The following TRIO variants were observed in gnomAD, a reference collection of about 807,000 sequenced individuals.
TRIO encodes the protein trio Rho guanine nucleotide exchange factor, also known as triple functional domain protein.
TRIO carries 58 observed loss-of-function variants against 351.9 expected under a neutral mutation model. The observed-to-expected ratio is 0.16, with a 90% confidence interval of 0.13 to 0.21. TRIO has a LOEUF of 0.21. Ranked by LOEUF, TRIO falls within the 10% of genes least tolerant of loss-of-function variation. The pLI is 1.00. For missense variants in TRIO, 3,201 were observed against 4,027.8 expected, an observed-to-expected ratio of 0.79 and a Z score of 5.56; for synonymous variants, 1,758 against 1,595.7, an observed-to-expected ratio of 1.10 and a Z score of -2.42.
At chr5:14,304,361 T>TTTAACTTGAGGGA (rs1173356761) in intron 7 of TRIO, 100 bp from the exon 8 acceptor site, 1 of 1,234,612 alleles carries the variant, frequency 8.1e-7, no homozygotes, top group African/African-American at 1.5e-5. Context: ...ATTCTTAGGA[T>TTTAACTTGAGGGA]CTCCCTCAAG....
intron 34 of TRIO, among the ~76,000 whole-genome samples, chr5:14,431,112 G>A (rs1026160138): frequency 1.1e-4 from 16 of 152,214 alleles, no homozygotes; most frequent in Non-Finnish European, 1.8e-4. Flanking sequence ...AAGGCATGGG[G>A]GTAGGAGGCT....
chr5:14,221,839 A>G (rs1581383475), intron 1 of TRIO, among the ~76,000 whole-genome samples: 1 of 152,366 alleles, frequency 6.6e-6, no homozygotes, highest in East Asian at 1.9e-4. Context: ...ATGTGCCACA[A>G]ACTTAGTTGA....
intron 1 of TRIO, among the ~76,000 whole-genome samples, chr5:14,166,554 C>T (rs1018086877): frequency 1.2e-4 from 19 of 152,050 alleles, no homozygotes; most frequent in Admixed American, 3.9e-4. Context: ...TTTTCTTTTC[C>T]GAGCTGCAGT....
chr5:14,371,209 A>C (rs1561404619), intron 18 of TRIO, among the ~76,000 whole-genome samples: 1 of 152,242 alleles, frequency 6.6e-6, no homozygotes, highest in Non-Finnish European at 1.5e-5. Context: ...GATTAGGTGC[A>C]ATAAACTCAT....
chr5:14,407,232 A>G (rs1259767052), intron 33 of TRIO, among the ~76,000 whole-genome samples: 1 of 152,126 alleles, frequency 6.6e-6, no homozygotes, highest in African/African-American at 2.4e-5. Context: ...GGGCGTCTCA[A>G]TGAGTGGGCT....
chr5:14,444,997 C>T (rs1480910260), intron 34 of TRIO, among the ~76,000 whole-genome samples: 2 of 152,192 alleles, frequency 1.3e-5, no homozygotes, highest in Non-Finnish European at 2.9e-5. Context: ...AGGCACCCTC[C>T]TCGTTTAACT....
At chr5:14,344,570 CT>C (rs943642272) in intron 11 of TRIO, among the ~76,000 whole-genome samples, 1 of 152,170 alleles carries the variant, frequency 6.6e-6, no homozygotes. Context: ...CCTCAGAATG[CT>C]TTTCTTAGGG....
chr5:14,335,838 G>T (rs1050290566), intron 10 of TRIO, among the ~76,000 whole-genome samples: 1 of 152,128 alleles, frequency 6.6e-6, no homozygotes, highest in Non-Finnish European at 1.5e-5. Context: ...GGTAGCGCAT[G>T]TCTGTGGTTC....
intron 37 of TRIO, among the ~76,000 whole-genome samples, chr5:14,468,851 C>T (rs532771585): frequency 1.1e-4 from 17 of 152,302 alleles, no homozygotes; most frequent in African/African-American, 4.1e-4. Flanking sequence ...GTTTAAGGAA[C>T]TGAACCTACC....
At chr5:14,479,072 G>C (rs977400752) in intron 41 of TRIO, among the ~76,000 whole-genome samples, 189 bp from the exon 42 acceptor site, 1 of 152,198 alleles carries the variant, frequency 6.6e-6, no homozygotes, top group Non-Finnish European at 1.5e-5. Flanking sequence ...GGGAAGGACT[G>C]GTTTTGGAGC....
intron 1 of TRIO, among the ~76,000 whole-genome samples, chr5:14,214,284 C>T (rs1189581829): frequency 6.6e-6 from 1 of 152,192 alleles, no homozygotes; most frequent in African/African-American, 2.4e-5. Flanking sequence ...AGAGACAGAG[C>T]CCTTCAGGCC....
chr5:14,292,414 GTCTT>G, intron 5 of TRIO, among the ~76,000 whole-genome samples: 1 of 75,164 alleles, frequency 1.3e-5, no homozygotes, highest in South Asian at 3.7e-4. Context: ...CATTGCAAAT[GTCTT>G]AATTGACATC....
chr5:14,285,310 C>T (rs1053993926), intron 3 of TRIO, among the ~76,000 whole-genome samples: 1 of 152,056 alleles, frequency 6.6e-6, no homozygotes, highest in African/African-American at 2.4e-5. Flanking sequence ...GATCTGTTTT[C>T]TCCTCCTGGC....
chr5:14,290,881 G>A lies in TRIO; in HGVS notation c.706G>A (p.Glu236Lys). 5 of 1,614,160 alleles carry A rather than the reference G, an allele frequency of 3.1e-6. No homozygotes were observed. The highest frequency in any genetic ancestry group is 4.2e-6 in the Non-Finnish European group (5 of 1,180,032). The change falls in exon 5 of 57, where the codon GAA becomes AAA. Residue 236 changes from glutamate to lysine, a missense_variant. Glu to Lys is a moderately conservative substitution (Grantham distance 56). Around this residue, in one of 19 missense-constraint regions of TRIO, gnomAD observed 349 missense variants for 449.3 expected, o/e 0.78. Transcript: ENST00000344204. ...CACCCACATGCTGTCTCGGCTGGAGGAACTTCAGGACATCCTAGCTAAGAA... is the reference window on the plus strand; with the variant it reads ...CACCCACATGCTGTCTCGGCTGGAGAAACTTCAGGACATCCTAGCTAAGAA... ...NATHMLSRLE[E>K]LQDILAKKEL...
At position 14,399,148 on chromosome 5, in the gene TRIO, A is replaced by G. The variant is rs1325420639; in HGVS notation, c.4614+78A>G. 4 of 1,371,732 alleles carry G rather than the reference A, an allele frequency of 2.9e-6. No individual in the cohort carries two copies. In the African/African-American group the frequency reaches 5.7e-5, roughly 20 times the overall value. The allele number at this position is 1,371,732 out of a possible 1,614,324, so 85.0% of individuals were successfully genotyped here. A position where few individuals can be genotyped will look rare whatever the true frequency, so the allele number is the denominator to read the frequency against. On this transcript the variant is annotated intron_variant, in intron 30 of 56. Coordinates refer to ENST00000344204, the MANE Select transcript of TRIO (RefSeq NM_007118.4). Reference sequence around the variant, plus strand: ...TTTTGTAGGTAGAGAAGAATTGTTCATTGTCTTCAGTTTAACCTCCCAATC... The same window carrying G: ...TTTTGTAGGTAGAGAAGAATTGTTCGTTGTCTTCAGTTTAACCTCCCAATC...
chr5:14,347,641 A>G (rs1742546218), intron 11 of TRIO, among the ~76,000 whole-genome samples: 1 of 152,246 alleles, frequency 6.6e-6, no homozygotes, highest in Non-Finnish European at 1.5e-5. Context: ...TTAGTGCCAC[A>G]GCCGAAATAA....
intron 9 of TRIO, among the ~76,000 whole-genome samples, chr5:14,327,846 G>T (rs1740523919): frequency 1.3e-5 from 2 of 152,206 alleles, no homozygotes; most frequent in Admixed American, 1.3e-4. Context: ...CATTCTCAAG[G>T]CCGAGAGGTC....
At chr5:14,287,680 C>G (rs915739186) in intron 4 of TRIO, among the ~76,000 whole-genome samples, 2 of 151,960 alleles carry the variant, frequency 1.3e-5, no homozygotes, top group African/African-American at 4.8e-5. Flanking sequence ...CTTAAGCTAC[C>G]AAGGTTCTGA....
chr5:14,201,011 A>T (rs1046075937), intron 1 of TRIO, among the ~76,000 whole-genome samples: 1 of 152,184 alleles, frequency 6.6e-6, no homozygotes, highest in African/African-American at 2.4e-5. Flanking sequence ...GTAACCCAGC[A>T]CTTTGGGAGG....
Sources: allele counts gnomAD v4.1 joint callset (sites outside exome capture counted in the v4.1 genomes callset), GRCh38; gene constraint gnomAD v4.1.1; regional missense constraint gnomAD v4.1.1; transcripts MANE v1.5; gene names NCBI Gene and HGNC (gene_info 2026-07-23, HGNC 2026-07-21).